The following B4GALNT3 variants were observed in gnomAD, a reference collection of about 807,000 sequenced individuals.
B4GALNT3 encodes the protein beta-1,4-N-acetylgalactosaminyltransferase 3.
Under a neutral mutation model 120.2 loss-of-function variants are expected in B4GALNT3, and 86 were observed. The ratio of observed to expected loss-of-function variants is 0.72; its 90% CI spans 0.60 to 0.86. The LOEUF is 0.86. B4GALNT3 is among the 40% of genes least tolerant of loss of function. The pLI is 0.00. For missense variants in B4GALNT3, 1,167 were observed against 1,298.9 expected (o/e 0.90, Z 1.56); for synonymous variants, 518 against 510.4 (o/e 1.01, Z -0.20).
intron 1 of B4GALNT3, among the ~76,000 whole-genome samples, chr12:506,903 T>C (rs61916630): frequency 0.048 from 7,318 of 152,378 alleles, 213 homozygotes; most frequent in East Asian, 0.15. Context: ...CCCGAAGTGC[T>C]GGGATTACAG....
At position 553,667 on chromosome 12, in the gene B4GALNT3, G is replaced by A. The variant is rs1327166045; in HGVS notation, c.1744G>A (p.Ala582Thr). 6.2e-7 allele frequency: 1 copy of A among 1,613,958 alleles called. No individual in the cohort carries two copies. Among genetic ancestry groups the A allele is most frequent in the Non-Finnish European group, 8.5e-7 (1 of 1,179,940 alleles). The stretch of plus-strand genomic sequence containing the variant: ...ACGGGGTGACAGGATGCGGCCTCAG[G>A]CCCCTGGAAGGGGCTGGCATGGGGA... ...QRRGDRMRPQAPGRGWHGEEE... is the reference protein window; with the variant it reads ...QRRGDRMRPQTPGRGWHGEEE... Residue 582 changes from alanine to threonine, a missense_variant, in exon 14 of 20, where the codon GCC becomes ACC. Coordinates refer to ENST00000266383, the MANE Select transcript of B4GALNT3 (RefSeq NM_173593.4).
At chr12:497,519 A>G (rs754099732) in intron 1 of B4GALNT3, among the ~76,000 whole-genome samples, 13 of 152,196 alleles carry the variant, frequency 8.5e-5, no homozygotes, top group African/African-American at 2.7e-4. Context: ...TCATCTGTCA[A>G]TGGACATTTG....
chr12:520,296 C>T (rs760833300), intron 1 of B4GALNT3, among the ~76,000 whole-genome samples: 3 of 152,134 alleles, frequency 2.0e-5, no homozygotes, highest in Non-Finnish European at 4.4e-5. Context: ...GTGATTTTAG[C>T]AAATGTGTGA....
intron 1 of B4GALNT3, among the ~76,000 whole-genome samples, chr12:520,128 C>A (rs1406268082): frequency 1.3e-5 from 2 of 152,092 alleles, no homozygotes; most frequent in African/African-American, 4.8e-5. Context: ...GGAGAAATTG[C>A]TGGGGGTTAG....
intron 1 of B4GALNT3, among the ~76,000 whole-genome samples, chr12:461,712 G>C (rs1946024730): frequency 6.6e-6 from 1 of 152,184 alleles, no homozygotes; most frequent in Non-Finnish European, 1.5e-5. Flanking sequence ...GTGGTGCTGT[G>C]CCTTCTCTTG....
chr12:469,571 A>G (rs1171649191), intron 1 of B4GALNT3, among the ~76,000 whole-genome samples: 1 of 152,030 alleles, frequency 6.6e-6, no homozygotes, highest in East Asian at 1.9e-4. Flanking sequence ...TTTTTCCTCC[A>G]TGATGTTCAG....
intron 1 of B4GALNT3, among the ~76,000 whole-genome samples, chr12:507,600 A>T (rs1946510580): frequency 6.6e-6 from 1 of 151,540 alleles, no homozygotes; most frequent in South Asian, 2.1e-4. Context: ...TACATCCCTC[A>T]CCCCACACCC....
intron 1 of B4GALNT3, among the ~76,000 whole-genome samples, chr12:531,653 A>C (rs1946809262): frequency 6.6e-6 from 1 of 152,164 alleles, no homozygotes; most frequent in Non-Finnish European, 1.5e-5. Context: ...AAAAAAGAAA[A>C]ATAAGAAAAG....
chr12:540,899 G>T (rs1316656817), intron 3 of B4GALNT3, among the ~76,000 whole-genome samples: 1 of 151,942 alleles, frequency 6.6e-6, no homozygotes, highest in Non-Finnish European at 1.5e-5. Flanking sequence ...ACCCACCACC[G>T]CGCCCAGCTA....
At chr12:499,487 G>C (rs1487119233) in intron 1 of B4GALNT3, among the ~76,000 whole-genome samples, 1 of 129,472 alleles carries the variant, frequency 7.7e-6, no homozygotes, top group Non-Finnish European at 1.6e-5. Flanking sequence ...AACACTCCTA[G>C]CCCGTGGAGC....
intron 1 of B4GALNT3, among the ~76,000 whole-genome samples, chr12:494,114 A>G (rs1238390927): frequency 6.6e-6 from 1 of 152,034 alleles, no homozygotes; most frequent in African/African-American, 2.4e-5. Context: ...TACAAAAAAT[A>G]CAAAAATTAG....
chr12:533,221 G>A (rs2120656891), intron 1 of B4GALNT3, among the ~76,000 whole-genome samples: 1 of 152,348 alleles, frequency 6.6e-6, no homozygotes, highest in South Asian at 2.1e-4. Context: ...ATTAGCAGAT[G>A]AACAAGCAGT....
intron 1 of B4GALNT3, among the ~76,000 whole-genome samples, chr12:507,323 C>T (rs1448126707): frequency 2.6e-5 from 4 of 152,268 alleles, no homozygotes; most frequent in African/African-American, 7.2e-5. Context: ...TGTGGCCTTC[C>T]ACACCCTTTT....
chr12:515,366 T>C (rs1168792757), intron 1 of B4GALNT3, among the ~76,000 whole-genome samples: 1 of 151,906 alleles, frequency 6.6e-6, no homozygotes, highest in African/African-American at 2.4e-5. Flanking sequence ...GCTAATTTTT[T>C]TTTTCGTATT....
At chr12:523,887 C>A (rs541696667) in intron 1 of B4GALNT3, among the ~76,000 whole-genome samples, 1 of 152,130 alleles carries the variant, frequency 6.6e-6, no homozygotes, top group Non-Finnish European at 1.5e-5. Flanking sequence ...TAGTGAAACC[C>A]CGTCTCTACT....
intron 15 of B4GALNT3, 130 bp downstream of exon 15, chr12:556,996 CTG>C: frequency 1.0e-6 from 1 of 989,658 alleles, no homozygotes; most frequent in Non-Finnish European, 1.4e-6. Context: ...GTTGAGGAAA[CTG>C]AGGCTCACAA....
In B4GALNT3 at chr12:551,132, C is replaced by T. The variant is rs1947077944; in HGVS notation, c.1107+101C>T. 1.7e-5 allele frequency: 17 copies of T among 1,019,922 alleles called. No individual in the cohort carries two copies. The South Asian group carries it at 2.4e-4, about 14-fold the overall frequency. The allele number at this position is 1,019,922 out of a possible 1,614,324, so 63.2% of individuals were successfully genotyped here. A position where few individuals can be genotyped will look rare whatever the true frequency, so the allele number is the denominator to read the frequency against. On this transcript the variant is annotated intron_variant, in intron 11 of 19. Transcript: ENST00000266383. ...GAGGCTGACTTTCCCATCTTCCCAA[C>T]ATCCCATCCCAGCAGACAGGACGTC...
chr12:470,389 G>A (rs1592009279), intron 1 of B4GALNT3, among the ~76,000 whole-genome samples: 3 of 152,246 alleles, frequency 2.0e-5, no homozygotes, highest in East Asian at 1.9e-4. Context: ...AGGTTCAAAC[G>A]AATGTGTGCA....
chr12:459,948 G>C lies in B4GALNT3; in HGVS notation c.-429G>C, dbSNP rs1211309433. On this transcript the variant is annotated 5_prime_UTR_variant, in exon 1 of 20. Coordinates refer to ENST00000266383, the MANE Select transcript of B4GALNT3 (RefSeq NM_173593.4). ...GGGCCGGGGGCGGGCCAGGTTCCGC[G>C]AGCAGGAGAGCCCAGAGCCCGGAGC... is the stretch of plus-strand genomic sequence containing the variant. 4.0e-5 allele frequency among the ~76,000 whole-genome samples: 6 copies of C among 151,370 alleles called. No individual in the cohort carries two copies. The highest frequency in any genetic ancestry group is 2.0e-4 in the Admixed American group (3 of 15,210).
Sources: gnomAD v4.1 joint callset for allele counts (sites outside exome capture counted in the v4.1 genomes callset) on GRCh38, gnomAD v4.1.1 for gene constraint, MANE v1.5 for transcripts, NCBI Gene and HGNC (gene_info 2026-07-23, HGNC 2026-07-21) for gene names.